Variants in VPS50 observed in about 807,000 individuals in gnomAD.
VPS50 encodes the protein syndetin.
Under a neutral mutation model 139.7 loss-of-function variants are expected in VPS50, and 70 were observed. That is an observed-to-expected ratio of 0.50 (90% CI 0.41 to 0.61). The LOEUF is 0.61. VPS50 is among the 20% of genes least tolerant of loss of function. The probability of loss-of-function intolerance (pLI) is 0.00; values close to 1 mark genes in which losing one functional copy is unlikely to be tolerated. For missense variants in VPS50, 921 were observed against 1,133.7 expected (o/e 0.81, Z 2.69); for synonymous variants, 365 against 376.7 (o/e 0.97, Z 0.36).
chr7:93,333,015 A>T (rs879397833), intron 21 of VPS50, among the ~76,000 whole-genome samples: 3 of 152,148 alleles, frequency 2.0e-5, no homozygotes, highest in Non-Finnish European at 2.9e-5. Context: ...AGGGAACTCT[A>T]TTATGGTGCT....
chr7:93,324,980 A>G (rs1456779554), intron 21 of VPS50, among the ~76,000 whole-genome samples: 1 of 152,162 alleles, frequency 6.6e-6, no homozygotes, highest in Non-Finnish European at 1.5e-5. Flanking sequence ...AAGAGCCTGC[A>G]TCGCCAAGTC....
intron 12 of VPS50, 152 bp from the exon 13 acceptor site, chr7:93,291,551 C>A (rs1004707494): frequency 1.1e-5 from 5 of 445,158 alleles, no homozygotes; most frequent in African/African-American, 6.1e-5. Flanking sequence ...AATTTTTTTT[C>A]TCCCCATTGA....
chr7:93,235,718 A>AT (rs1201239697), intron 1 of VPS50, among the ~76,000 whole-genome samples: 3 of 152,186 alleles, frequency 2.0e-5, no homozygotes, highest in Non-Finnish European at 4.4e-5. Flanking sequence ...GGAGGAACAG[A>AT]TTGAGGGAAG....
At chr7:93,271,183 A>G in intron 9 of VPS50, 37 bp from the exon 10 acceptor site, 1 of 1,555,932 alleles carries the variant, frequency 6.4e-7, no homozygotes. Context: ...AGTTTGTCTC[A>G]GAAATAGAAA....
At chr7:93,306,089 G>A (rs533179323) in intron 18 of VPS50, 85 bp downstream of exon 18, 9 of 975,016 alleles carry the variant, frequency 9.2e-6, no homozygotes, top group Admixed American at 4.1e-5. Flanking sequence ...CTACATTTAC[G>A]TATCCATTTA....
At chr7:93,342,736 C>T (rs77127992) in intron 23 of VPS50, among the ~76,000 whole-genome samples, 2 of 152,182 alleles carry the variant, frequency 1.3e-5, no homozygotes, top group Admixed American at 6.5e-5. Context: ...ACACCTCACA[C>T]GACTGGGTAC....
chr7:93,266,250 C>T (rs906390870), intron 9 of VPS50, among the ~76,000 whole-genome samples: 4 of 152,130 alleles, frequency 2.6e-5, no homozygotes, highest in Admixed American at 2.6e-4. Flanking sequence ...TTGAGTAACT[C>T]GTCTTCAGCA....
At chr7:93,313,212 A>T (rs2116994927) in intron 20 of VPS50, among the ~76,000 whole-genome samples, 1 of 152,230 alleles carries the variant, frequency 6.6e-6, no homozygotes, top group South Asian at 2.1e-4. Context: ...TGGCCAAAGC[A>T]AGTCAGGCTT....
At position 93,311,167 on chromosome 7, in the gene VPS50, G is replaced by A. The variant is rs757644684; in HGVS notation, c.1750G>A (p.Val584Ile). Residue 584 changes from valine to isoleucine, a missense_variant and splice_region_variant, in exon 20 of 28, where the codon GTT becomes ATT. Val to Ile is a conservative substitution (Grantham distance 29). Around this residue, in one of 3 missense-constraint regions of VPS50, gnomAD observed 744 missense variants for 930.6 expected, o/e 0.80. Transcript: ENST00000305866. The part of the protein sequence containing the change: ...EQTGDGPVKS[V>I]SRETLKSRKK... Reference sequence around the variant, plus strand: ...TCTGTTTTGTTTTTCCATATCAAGTGTTTCTCGGGAAACTCTAAAAAGCAG... The same window carrying A: ...TCTGTTTTGTTTTTCCATATCAAGTATTTCTCGGGAAACTCTAAAAAGCAG... 2.6e-6 allele frequency: 3 copies of A among 1,166,330 alleles called. No homozygotes were observed. Among genetic ancestry groups the A allele is most frequent in the South Asian group, 2.4e-5 (2 of 82,070 alleles). 72.2% of individuals were successfully genotyped at this position (1,166,330 alleles called of 1,614,324 possible).
intron 21 of VPS50, among the ~76,000 whole-genome samples, chr7:93,328,585 G>A (rs1168432437): frequency 6.6e-6 from 1 of 152,174 alleles, no homozygotes; most frequent in Non-Finnish European, 1.5e-5. Context: ...AACAGAAGCA[G>A]CAAATAGACT....
At chr7:93,333,031 C>T (rs562955132) in intron 21 of VPS50, among the ~76,000 whole-genome samples, 8 of 151,846 alleles carry the variant, frequency 5.3e-5, no homozygotes, top group South Asian at 2.1e-4. Flanking sequence ...GTGCTGGTTG[C>T]GAGATTGTAT....
Position 93,232,428 on chromosome 7 carries a change from T to C in VPS50, c.-40T>C, listed in dbSNP as rs560284265. ...CTGTGTAGTGGCTCGGTGTGATTTG[T>C]TAGCTCTTTGAGGCAGGGTACCCTC... On this transcript the variant is annotated 5_prime_UTR_variant, in exon 1 of 28. Transcript: ENST00000305866. 2.3e-5 allele frequency: 36 copies of C among 1,584,112 alleles called. No individual in the cohort carries two copies. The South Asian group carries it at 3.9e-4, about 17-fold the overall frequency.
intron 8 of VPS50, among the ~76,000 whole-genome samples, chr7:93,258,668 A>C (rs1465254410): frequency 6.6e-6 from 1 of 152,100 alleles, no homozygotes; most frequent in Non-Finnish European, 1.5e-5. Context: ...AATAGCAATA[A>C]AAATTAACAT....
Position 93,350,021 on chromosome 7 carries a change from T to C in VPS50, c.2451T>C (p.Asp817=), listed in dbSNP as rs1184182642. Residue 817 remains aspartate, a synonymous_variant, in exon 25 of 28, where the codon GAT becomes GAC. Transcript: ENST00000305866. ...TGTCACAGCACAACATATATGTAGATGCACTATTAAAGGCAAGTGTTCTGG... is the reference window on the plus strand; with the variant it reads ...TGTCACAGCACAACATATATGTAGACGCACTATTAAAGGCAAGTGTTCTGG... The part of the protein sequence containing the change: ...EIMSQHNIYV[D]ALLKEFEQFN... 4 of 1,612,076 alleles carry C rather than the reference T, an allele frequency of 2.5e-6. No individual in the cohort carries two copies. Among genetic ancestry groups the C allele is most frequent in the African/African-American group, 1.3e-5 (1 of 74,868 alleles).
intron 18 of VPS50, among the ~76,000 whole-genome samples, chr7:93,306,800 TG>T (rs1417792269): frequency 6.6e-6 from 1 of 151,948 alleles, no homozygotes; most frequent in East Asian, 1.9e-4. Flanking sequence ...GAAGCTAAAG[TG>T]AAAACCATTC....
chr7:93,358,904 A>G lies in VPS50; in HGVS notation c.*468A>G, dbSNP rs11540024. Reference sequence around the variant, plus strand: ...ATTAAAAAACACATGTAAGTAAAATAGTTGAAAAATCAGTATGTTCTCTGT... The same window carrying G: ...ATTAAAAAACACATGTAAGTAAAATGGTTGAAAAATCAGTATGTTCTCTGT... On this transcript the variant is annotated 3_prime_UTR_variant, in exon 28 of 28. Transcript: ENST00000305866. 0.013 allele frequency: 1,999 copies of G among 153,098 alleles called. 18 individuals carry two copies. The highest frequency in any genetic ancestry group is 0.019 in the Non-Finnish European group (1,316 of 68,550). The allele number at this position is 153,098 out of a possible 1,614,324, so 9.5% of individuals were successfully genotyped here.
intron 3 of VPS50, among the ~76,000 whole-genome samples, chr7:93,253,245 A>G (rs1299652176): frequency 6.6e-6 from 1 of 152,178 alleles, no homozygotes. Flanking sequence ...ATGCATATAT[A>G]CTTTATATGC....
chr7:93,246,432 A>G lies in VPS50; in HGVS notation c.103-6221A>G, dbSNP rs999200610. ...AGAAAGAGGAGTTGGTGTGCATTTC[A>G]TTTTTTATTCTATATATTTTTTTCA... is the stretch of plus-strand genomic sequence containing the variant. On this transcript the variant is annotated intron_variant, in intron 2 of 27. Transcript: ENST00000305866. 3.3e-5 allele frequency among the ~76,000 whole-genome samples: 5 copies of G among 151,708 alleles called. No individual in the cohort carries two copies. The East Asian group carries it at 9.6e-4, about 29-fold the overall frequency.
At chr7:93,288,967 A>C (rs1796571397) in intron 12 of VPS50, among the ~76,000 whole-genome samples, 1 of 152,072 alleles carries the variant, frequency 6.6e-6, no homozygotes, top group Non-Finnish European at 1.5e-5. Flanking sequence ...TGGAACAAAC[A>C]GTACATTTTT....
Sources: allele counts gnomAD v4.1 joint callset (sites outside exome capture counted in the v4.1 genomes callset), GRCh38; gene constraint gnomAD v4.1.1; regional missense constraint gnomAD v4.1.1; transcripts MANE v1.5; gene names NCBI Gene and HGNC (gene_info 2026-07-23, HGNC 2026-07-21).